CAMTA1: variants seen among roughly 807,000 people sequenced by gnomAD.
CAMTA1 encodes calmodulin-binding transcription activator 1.
Under a neutral mutation model 170.9 loss-of-function variants are expected in CAMTA1, and 27 were observed. That is an observed-to-expected ratio of 0.16 (90% CI 0.12 to 0.22). CAMTA1 has a LOEUF of 0.22. Ranked by LOEUF, CAMTA1 falls within the 10% of genes least tolerant of loss-of-function variation. The pLI is 1.00. For synonymous variants in CAMTA1, 833 were observed against 891.5 expected (o/e 0.93, Z 1.17); for missense variants, 1,619 against 2,217.2 (o/e 0.73, Z 5.42).
At chr1:7,049,299 G>A (rs139246590) in intron 3 of CAMTA1, among the ~76,000 whole-genome samples, 1 of 152,190 alleles carries the variant, frequency 6.6e-6, no homozygotes, top group Non-Finnish European at 1.5e-5. Flanking sequence ...ACCCAGGGAG[G>A]GGGCAGCGTC....
chr1:6,953,359 G>A (rs543010473), intron 3 of CAMTA1, among the ~76,000 whole-genome samples: 2 of 152,306 alleles, frequency 1.3e-5, no homozygotes, highest in South Asian at 4.2e-4. Context: ...GTCCAACCCC[G>A]GGAACGTGGC....
chr1:6,827,463 A>C (rs1647422411), intron 3 of CAMTA1, among the ~76,000 whole-genome samples: 1 of 151,702 alleles, frequency 6.6e-6, no homozygotes, highest in Non-Finnish European at 1.5e-5. Flanking sequence ...GAGGAATATT[A>C]AGTGTGACAG....
At chr1:6,977,386 G>T (rs1280976122) in intron 3 of CAMTA1, among the ~76,000 whole-genome samples, 2 of 151,698 alleles carry the variant, frequency 1.3e-5, no homozygotes, top group African/African-American at 4.8e-5. Flanking sequence ...TGTCACCCAG[G>T]CTGGAGTGCA....
chr1:7,130,836 TA>T (rs1488974026), intron 4 of CAMTA1, among the ~76,000 whole-genome samples: 2 of 152,238 alleles, frequency 1.3e-5, no homozygotes, highest in African/African-American at 4.8e-5. Flanking sequence ...TTTGCCTCTT[TA>T]AAAAATTGGA....
chr1:7,271,929 G>A (rs541604740), intron 5 of CAMTA1, among the ~76,000 whole-genome samples: 4 of 152,144 alleles, frequency 2.6e-5, no homozygotes, highest in South Asian at 4.1e-4. Context: ...CAGAGAATCC[G>A]AATAGACCAA....
At chr1:6,803,080 A>G (rs1644073220) in intron 1 of CAMTA1, among the ~76,000 whole-genome samples, 1 of 152,188 alleles carries the variant, frequency 6.6e-6, no homozygotes, top group South Asian at 2.1e-4. Flanking sequence ...GTGGAGAAGC[A>G]GAACACCTTG....
intron 4 of CAMTA1, among the ~76,000 whole-genome samples, chr1:7,121,058 A>T (rs1260956395): frequency 6.6e-6 from 1 of 152,212 alleles, no homozygotes; most frequent in Non-Finnish European, 1.5e-5. Context: ...ACTGCCTCCT[A>T]GGGGCCTGGT....
chr1:7,692,850 C>T (rs1018099406), intron 11 of CAMTA1, among the ~76,000 whole-genome samples: 6 of 152,166 alleles, frequency 3.9e-5, no homozygotes, highest in African/African-American at 1.2e-4. Flanking sequence ...ACCAGGCATC[C>T]CCCCACCCCC....
intron 4 of CAMTA1, among the ~76,000 whole-genome samples, chr1:7,191,640 G>A (rs1453045154): frequency 1.3e-5 from 2 of 152,112 alleles, no homozygotes; most frequent in Non-Finnish European, 2.9e-5. Flanking sequence ...CTTTAAATTT[G>A]GTCATTAAGT....
Position 7,167,769 on chromosome 1 carries a change from G to A in CAMTA1, c.302+76398G>A, listed in dbSNP as rs74363628. The stretch of plus-strand genomic sequence containing the variant: ...AATTAATTAATTAATTAATTTTAGA[G>A]ACAGAGTCTTGCTCTGTCACCCAGT... On this transcript the variant is annotated intron_variant, in intron 4 of 22. Coordinates refer to ENST00000303635, the MANE Select transcript of CAMTA1 (RefSeq NM_015215.4). Among the ~76,000 whole-genome samples, 2,041 of 151,960 alleles carry A rather than the reference G, an allele frequency of 0.013. 87 individuals are homozygous for A. The East Asian group carries it at 0.17, about 13-fold the overall frequency.
chr1:7,358,953 G>T (rs1477283625), intron 5 of CAMTA1, among the ~76,000 whole-genome samples: 1 of 152,152 alleles, frequency 6.6e-6, no homozygotes, highest in African/African-American at 2.4e-5. Flanking sequence ...GGGGGCCCTG[G>T]AGCCTGGCAG....
chr1:7,069,656 G>A (rs1017120287), intron 3 of CAMTA1, among the ~76,000 whole-genome samples: 2 of 152,076 alleles, frequency 1.3e-5, no homozygotes, highest in Admixed American at 1.3e-4. Context: ...GAACAAGAGA[G>A]CCTGGACAGC....
In CAMTA1 at chr1:7,585,496, G is replaced by A. The variant is rs150833986; in HGVS notation, c.511-54904G>A. Among the ~76,000 whole-genome samples the A allele has an allele frequency of 7.9e-5, 12 of 152,224 alleles. No individual in the cohort carries two copies. Among genetic ancestry groups the A allele is most frequent in the East Asian group, 3.9e-4 (2 of 5,172 alleles). On this transcript the variant is annotated intron_variant, in intron 6 of 22. Coordinates refer to ENST00000303635, the MANE Select transcript of CAMTA1 (RefSeq NM_015215.4). The surrounding 1 kb of genome is among the most constrained non-coding windows in gnomAD (Gnocchi z 4.8). ...TCCAGTGGGTTCCCATAGGAGTGACGAGGCTACAGAGGTGACCAGGACCAG... is the reference window on the plus strand; with the variant it reads ...TCCAGTGGGTTCCCATAGGAGTGACAAGGCTACAGAGGTGACCAGGACCAG...
At chr1:7,752,307 CATCCCCCTTCAGATTGTATACATCTTT>C in intron 20 of CAMTA1, 125 bp from the exon 21 acceptor site, 1 of 690,400 alleles carries the variant, frequency 1.4e-6, no homozygotes, top group South Asian at 1.7e-5. Context: ...CATACGCACT[CATCCCCCTTCAGATTGTATACATCTTT>C]AACATATGCT....
intron 5 of CAMTA1, among the ~76,000 whole-genome samples, chr1:7,269,660 A>G (rs949667955): frequency 6.6e-6 from 1 of 152,232 alleles, no homozygotes; most frequent in African/African-American, 2.4e-5. Flanking sequence ...GGAACTGCTT[A>G]AACTGAAGCA....
intron 4 of CAMTA1, among the ~76,000 whole-genome samples, chr1:7,217,813 T>C (rs551174386): frequency 2.6e-5 from 4 of 152,332 alleles, no homozygotes; most frequent in East Asian, 3.9e-4. Flanking sequence ...CTTTCCTTTT[T>C]TTGTTTCCTA....
chr1:7,397,633 A>T (rs935969398), intron 5 of CAMTA1, among the ~76,000 whole-genome samples: 4 of 152,000 alleles, frequency 2.6e-5, no homozygotes, highest in African/African-American at 9.7e-5. Flanking sequence ...TTTTTGATAT[A>T]GGCATTTATT....
intron 6 of CAMTA1, among the ~76,000 whole-genome samples, chr1:7,566,837 G>C (rs1475855496): frequency 6.6e-6 from 1 of 152,210 alleles, no homozygotes; most frequent in Non-Finnish European, 1.5e-5. Context: ...CCCCAGATTG[G>C]CACTAGGAGC....
At chr1:7,266,331 G>A (rs1367751230) in intron 5 of CAMTA1, among the ~76,000 whole-genome samples, 1 of 152,208 alleles carries the variant, frequency 6.6e-6, no homozygotes, top group African/African-American at 2.4e-5. Context: ...TTCTGGCTGG[G>A]AGCGCCACTG....
Sources: allele counts gnomAD v4.1 joint callset (sites outside exome capture counted in the v4.1 genomes callset), GRCh38; gene constraint gnomAD v4.1.1; non-coding constraint Gnocchi (gnomAD v3.1); transcripts MANE v1.5; gene names NCBI Gene and HGNC (gene_info 2026-07-23, HGNC 2026-07-21).